The following NLGN4X variants were observed in gnomAD, a reference collection of about 807,000 sequenced individuals.
NLGN4X encodes the protein neuroligin-4, X-linked.
NLGN4X carries 3 observed loss-of-function variants against 40.3 expected under a neutral mutation model. The observed-to-expected ratio is 0.07, with a 90% CI of 0.03 to 0.19. NLGN4X has a LOEUF of 0.19. Ranked by LOEUF, NLGN4X falls within the 10% of genes least tolerant of loss-of-function variation. The pLI is 1.00. For synonymous variants in NLGN4X, 270 were observed against 306.8 expected (o/e 0.88, Z 1.25); for missense variants, 382 against 708.3 (o/e 0.54, Z 5.23).
At chrX:5,970,506 A>G (rs929715012) in intron 3 of NLGN4X, among the ~76,000 whole-genome samples, 18 of 111,993 alleles carry the variant, frequency 1.6e-4, no homozygotes, top group African/African-American at 5.8e-4. Context: ...TTTCCTCTGA[A>G]GCAATTTTTA....
chrX:6,057,813 C>T (rs1017172982), intron 2 of NLGN4X, among the ~76,000 whole-genome samples: 16 of 111,555 alleles, frequency 1.4e-4, no homozygotes, highest in Admixed American at 4.8e-4. Context: ...GAAGCCCTTG[C>T]TCCCAAATTA....
intron 2 of NLGN4X, among the ~76,000 whole-genome samples, chrX:6,091,894 T>G (rs1430904640): frequency 1.8e-5 from 2 of 110,140 alleles, no homozygotes; most frequent in Non-Finnish European, 3.8e-5. Flanking sequence ...CTTCCTTCCT[T>G]CCTTTCTTCC....
Position 5,890,192 on chromosome X carries a change from G to A in NLGN4X, c.*2625C>T. 2 of 181,398 alleles carry A rather than the reference G, an allele frequency of 1.1e-5. No homozygotes were observed. Among genetic ancestry groups the A allele is most frequent in the African/African-American group, 3.1e-5 (1 of 31,897 alleles). 14.9% of individuals were successfully genotyped at this position (181,398 alleles called of 1,213,427 possible). A position where few individuals can be genotyped will look rare whatever the true frequency, so the allele number is the denominator to read the frequency against. On this transcript the variant is annotated 3_prime_UTR_variant, in exon 6 of 6. Transcript: ENST00000381095. The stretch of plus-strand genomic sequence containing the variant: ...CCCAAGGAACCATTAAACCCTGCGT[G>A]CCTTTGAAGATCAAGAGTAAAAGCC...
At chrX:6,010,480 T>C (rs1372043283) in intron 3 of NLGN4X, among the ~76,000 whole-genome samples, 2 of 103,448 alleles carry the variant, frequency 1.9e-5, no homozygotes, top group Non-Finnish European at 2.0e-5. Flanking sequence ...TTATACTTTT[T>C]GGACAATATG....
rs1355228099 is a variant in NLGN4X, at chrX:6,219,571, TCTTC to T, written c.-306+8966_-306+8969del. ...TTCTTTCTTTCTTTCTTTCTTTCTT[TCTTC>T]CTTCCTTCCTTCCTTCTTTCCTTCC... On this transcript the variant is annotated intron_variant, in intron 1 of 5. Transcript: ENST00000381095. Among the ~76,000 whole-genome samples the T allele has an allele frequency of 6.0e-3, 454 of 75,128 alleles. 3 individuals are homozygous for T. Among genetic ancestry groups the T allele is most frequent in the African/African-American group, 0.022 (373 of 17,091 alleles). 65.2% of individuals were successfully genotyped at this position (75,128 alleles called of 115,157 possible).
chrX:6,123,777 A>G (rs1247702403), intron 2 of NLGN4X, among the ~76,000 whole-genome samples: 1 of 109,560 alleles, frequency 9.1e-6, no homozygotes, highest in African/African-American at 3.3e-5. Context: ...AAAGAAAAAT[A>G]TAATAATAAG....
chrX:6,064,182 G>T (rs2037844245), intron 2 of NLGN4X, among the ~76,000 whole-genome samples: 1 of 110,899 alleles, frequency 9.0e-6, no homozygotes, highest in Non-Finnish European at 1.9e-5. Flanking sequence ...CCTTCCTAGA[G>T]GGTTAGAAGT....
At chrX:6,160,338 T>C (rs1054304523) in intron 1 of NLGN4X, among the ~76,000 whole-genome samples, 1 of 111,156 alleles carries the variant, frequency 9.0e-6, no homozygotes, top group African/African-American at 3.3e-5. Flanking sequence ...TAGCAGGATA[T>C]AAAAATGCCA....
chrX:6,211,721 C>T (rs757571111), intron 1 of NLGN4X, among the ~76,000 whole-genome samples: 5 of 111,520 alleles, frequency 4.5e-5, no homozygotes, highest in Non-Finnish European at 7.5e-5. Context: ...TATGTCCATA[C>T]GTACATATGA....
intron 1 of NLGN4X, among the ~76,000 whole-genome samples, chrX:6,185,657 G>A (rs930211492): frequency 1.3e-4 from 15 of 111,945 alleles, no homozygotes; most frequent in Admixed American, 6.6e-4. Context: ...TCAGTGAAGC[G>A]GAATAAAAAT....
At chrX:6,127,461 T>C (rs1045466806) in intron 2 of NLGN4X, among the ~76,000 whole-genome samples, 4 of 111,952 alleles carry the variant, frequency 3.6e-5, no homozygotes, top group Non-Finnish European at 5.6e-5. Context: ...TTACAAAAAT[T>C]AGCTGGGCGT....
At chrX:6,103,157 G>C (rs1389090958) in intron 2 of NLGN4X, among the ~76,000 whole-genome samples, 1 of 111,927 alleles carries the variant, frequency 8.9e-6, no homozygotes, top group African/African-American at 3.2e-5. Flanking sequence ...GATACTAATT[G>C]AGATGAGGTT....
In NLGN4X at chrX:6,030,337, G is replaced by A. The variant is rs992978361; in HGVS notation, c.473-905C>T. On this transcript the variant is annotated intron_variant, in intron 2 of 5. Coordinates refer to ENST00000381095, the MANE Select transcript of NLGN4X (RefSeq NM_181332.3). ...TTTTATAACATTAATCAGCCATTAGGGCTGCATTTAATCTTTGGAAGACTG... is the reference window on the plus strand; with the variant it reads ...TTTTATAACATTAATCAGCCATTAGAGCTGCATTTAATCTTTGGAAGACTG... Among the ~76,000 whole-genome samples the A allele has an allele frequency of 2.8e-5, 3 of 108,963 alleles. No individual in the cohort carries two copies. In the South Asian group the frequency reaches 1.2e-3, roughly 44 times the overall value. The allele number at this position is 108,963 out of a possible 115,157, so 94.6% of individuals were successfully genotyped here. A position where few individuals can be genotyped will look rare whatever the true frequency, so the allele number is the denominator to read the frequency against.
At chrX:5,894,350 T>C (rs2031372159) in intron 5 of NLGN4X, among the ~76,000 whole-genome samples, 1 of 112,499 alleles carries the variant, frequency 8.9e-6, no homozygotes, top group South Asian at 3.7e-4. Context: ...ATATTAACAG[T>C]AGAAATAAAA....
intron 2 of NLGN4X, among the ~76,000 whole-genome samples, chrX:6,043,466 G>A (rs184020506): frequency 1.7e-4 from 19 of 111,088 alleles, no homozygotes; most frequent in African/African-American, 4.9e-4. Context: ...AAAAGTTTGC[G>A]TTCTGTTGCA....
At chrX:6,214,692 C>T (rs930063009) in intron 1 of NLGN4X, among the ~76,000 whole-genome samples, 3 of 110,970 alleles carry the variant, frequency 2.7e-5, no homozygotes, top group Non-Finnish European at 3.8e-5. Context: ...CCCAGGCGTT[C>T]GAGACCAGCC....
At position 6,084,264 on chromosome X, in the gene NLGN4X, C is replaced by T. The variant is rs180811385; in HGVS notation, c.473-54832G>A. On this transcript the variant is annotated intron_variant, in intron 2 of 5. Transcript: ENST00000381095. ...GCATAAAATTGAAAGGATAGAGAACCAGTTTTGGAGAACTGGAGGACAAAG... is the reference window on the plus strand; with the variant it reads ...GCATAAAATTGAAAGGATAGAGAACTAGTTTTGGAGAACTGGAGGACAAAG... 5.5e-3 allele frequency among the ~76,000 whole-genome samples: 620 copies of T among 111,732 alleles called. 8 individuals are homozygous for T. The highest frequency in any genetic ancestry group is 0.019 in the African/African-American group (592 of 30,772).
At position 5,909,109 on chromosome X, in the gene NLGN4X, G is replaced by A. The variant is rs1266933730; in HGVS notation, c.756C>T (p.Gly252=). 1 of 1,211,446 alleles carries A rather than the reference G, an allele frequency of 8.3e-7. No individual in the cohort carries two copies. The highest frequency in any genetic ancestry group is 3.0e-5 in the East Asian group (1 of 33,798). ...TGACACAGGAGGCCCCAGCCCCCGAGCCAAAGATGGTCACTCTCTTGGGGT... is the reference window on the plus strand; with the variant it reads ...TGACACAGGAGGCCCCAGCCCCCGAACCAAAGATGGTCACTCTCTTGGGGT... The part of the protein sequence containing the change: ...GGDPKRVTIF[G]SGAGASCVSL... The change falls in exon 4 of 6, where the codon GGC becomes GGT. Residue 252 remains glycine (G), a synonymous_variant. Transcript: ENST00000381095.
intron 3 of NLGN4X, among the ~76,000 whole-genome samples, chrX:5,985,538 C>G (rs2035508791): frequency 9.0e-6 from 1 of 111,520 alleles, no homozygotes; most frequent in Admixed American, 9.6e-5. Flanking sequence ...ATCCTCCTGC[C>G]TTGGTCTCCC....
Sources: allele counts gnomAD v4.1 joint callset (sites outside exome capture counted in the v4.1 genomes callset), GRCh38; gene constraint gnomAD v4.1.1; transcripts MANE v1.5; gene names NCBI Gene and HGNC (gene_info 2026-07-23, HGNC 2026-07-21).